The following KLHL5 variants were observed in gnomAD, a reference collection of about 807,000 sequenced individuals.
KLHL5 encodes kelch like family member 5.
KLHL5 carries 48 observed loss-of-function variants against 77.7 expected under a neutral mutation model. That is an observed-to-expected ratio of 0.62 (90% CI 0.49 to 0.79). The LOEUF (loss-of-function observed/expected upper bound fraction) is 0.79. KLHL5 is among the 30% of genes least tolerant of loss of function. The pLI, the probability that KLHL5 is intolerant of heterozygous loss-of-function variation, is 0.00. For synonymous variants in KLHL5, 260 were observed against 297.0 expected (o/e 0.88, Z 1.28); for missense variants, 723 against 859.7 (o/e 0.84, Z 1.99).
At chr4:39,082,712 T>G (rs1719722549) in intron 4 of KLHL5, among the ~76,000 whole-genome samples, 1 of 152,208 alleles carries the variant, frequency 6.6e-6, no homozygotes, top group Non-Finnish European at 1.5e-5. Context: ...CGAAATAATC[T>G]GTACAACAAA....
At chr4:39,054,492 G>T (rs139332376) in intron 1 of KLHL5, among the ~76,000 whole-genome samples, 1 of 152,254 alleles carries the variant, frequency 6.6e-6, no homozygotes, top group South Asian at 2.1e-4. Flanking sequence ...GCTCATTTGG[G>T]CACTTAAGAG....
chr4:39,087,916 C>T (rs1407008029), intron 5 of KLHL5, among the ~76,000 whole-genome samples: 1 of 152,090 alleles, frequency 6.6e-6, no homozygotes, highest in East Asian at 1.9e-4. Context: ...TTTACAGAGA[C>T]AGTAATCAAT....
chr4:39,142,621 A>G, the KLHL5 span, among the ~76,000 whole-genome samples: 1 of 152,128 alleles, frequency 6.6e-6, no homozygotes, highest in South Asian at 2.1e-4. Context: ...CAGCACCTTC[A>G]TTCATAACAG....
rs189843292 is a variant in KLHL5 at position 39,046,423 on chromosome 4, A to G, written c.-95+1327A>G. On this transcript the variant is annotated intron_variant, in intron 1 of 11. Coordinates refer to the KLHL5 transcript ENST00000261425. ...TTGGGCCTTGGGCTTCCTGGGAGCT[A>G]GGTAAAAAGAGAAAAAGGAACAACA... Among the ~76,000 whole-genome samples the G allele has an allele frequency of 8.5e-4, 130 of 152,240 alleles. 1 individual carries two copies. Among genetic ancestry groups the G allele is most frequent in the South Asian group, 1.9e-3 (9 of 4,820 alleles).
chr4:39,128,509 T>G (rs1173604670), downstream of KLHL5, among the ~76,000 whole-genome samples: 1 of 152,226 alleles, frequency 6.6e-6, no homozygotes, highest in Non-Finnish European at 1.5e-5. Context: ...GCCAATTTAT[T>G]GTTTTTAAAA....
chr4:39,093,643 T>G (rs980008534), intron 5 of KLHL5, among the ~76,000 whole-genome samples: 9 of 152,136 alleles, frequency 5.9e-5, no homozygotes, highest in Non-Finnish European at 1.0e-4. Context: ...TGGTGGCTCA[T>G]GCCTGTGATC....
upstream of KLHL5, chr4:39,044,910 C>A (rs1716025008): frequency 2.0e-6 from 2 of 983,262 alleles, no homozygotes; most frequent in African/African-American, 1.7e-5. Flanking sequence ...CGCCGCCTGA[C>A]GGAGCGGGAG....
At chr4:39,137,537 T>C in the KLHL5 span, among the ~76,000 whole-genome samples, 3 of 152,018 alleles carry the variant, frequency 2.0e-5, no homozygotes, top group African/African-American at 7.3e-5. Context: ...GGTGGGAAGA[T>C]TGAGCCCAGG....
At chr4:39,127,208 C>T (rs552791892), downstream of KLHL5, among the ~76,000 whole-genome samples, 14 of 151,954 alleles carry the variant, frequency 9.2e-5, 2 homozygotes, top group South Asian at 2.7e-3. Context: ...ATAGTCCCAG[C>T]CACTTGGGAG....
At chr4:39,072,959 A>C (rs535084364) in intron 1 of KLHL5, among the ~76,000 whole-genome samples, 2 of 152,334 alleles carry the variant, frequency 1.3e-5, no homozygotes, top group East Asian at 3.9e-4. Context: ...GTTTTTCACC[A>C]CAAAGAATTG....
At chr4:39,115,416 C>A in intron 10 of KLHL5, 86 bp downstream of exon 10, 1 of 1,572,620 alleles carries the variant, frequency 6.4e-7, no homozygotes, top group Non-Finnish European at 8.6e-7. Context: ...CAATCTTGTC[C>A]AATACTGAAA....
chr4:39,104,350 A>G (rs186135335), intron 7 of KLHL5, among the ~76,000 whole-genome samples: 18 of 152,346 alleles, frequency 1.2e-4, no homozygotes, highest in Admixed American at 9.8e-4. Context: ...CAACTATTAT[A>G]TAGGCACAGA....
chr4:39,138,783 A>G, the KLHL5 span, among the ~76,000 whole-genome samples: 1 of 152,250 alleles, frequency 6.6e-6, no homozygotes, highest in Non-Finnish European at 1.5e-5. Context: ...TTAAAAAATG[A>G]GAACCATGAA....
At chr4:39,069,562 AT>A (rs1718274554) in intron 1 of KLHL5, among the ~76,000 whole-genome samples, 6 of 84,720 alleles carry the variant, frequency 7.1e-5, no homozygotes, top group Non-Finnish European at 9.9e-5. Context: ...ATATATATAT[AT>A]ATATAAACCA....
At chr4:39,044,904 G>A, upstream of KLHL5, 1 of 982,218 alleles carries the variant, frequency 1.0e-6, no homozygotes, top group South Asian at 4.7e-5. Flanking sequence ...GCCTGGCGCC[G>A]CCTGACGGAG....
At chr4:39,076,311 G>C (rs987341800) in intron 2 of KLHL5, among the ~76,000 whole-genome samples, 164 bp downstream of exon 2, 1 of 152,120 alleles carries the variant, frequency 6.6e-6, no homozygotes, top group African/African-American at 2.4e-5. Context: ...TACACATTTG[G>C]TGATCCTAAA....
intron 2 of KLHL5, among the ~76,000 whole-genome samples, chr4:39,079,243 G>A (rs1228855394): frequency 2.0e-5 from 3 of 152,110 alleles, no homozygotes; most frequent in Non-Finnish European, 2.9e-5. Flanking sequence ...CTGTTTTAAC[G>A]TAGCTACCTG....
At chr4:39,115,416 C>T in intron 10 of KLHL5, 86 bp downstream of exon 10, 2 of 1,572,620 alleles carry the variant, frequency 1.3e-6, no homozygotes. Flanking sequence ...CAATCTTGTC[C>T]AATACTGAAA....
chr4:39,049,815 T>G (rs11096973), intron 1 of KLHL5, among the ~76,000 whole-genome samples: 71,134 of 151,802 alleles, frequency 0.47, 17,397 homozygotes, highest in Middle Eastern at 0.56. Context: ...CTCACGCTTT[T>G]AATCCCAGCA....
Sources: gnomAD v4.1 joint callset for allele counts (sites outside exome capture counted in the v4.1 genomes callset) on GRCh38, gnomAD v4.1.1 for gene constraint, MANE v1.5 for transcripts, NCBI Gene and HGNC (gene_info 2026-07-23, HGNC 2026-07-21) for gene names.